Variants in KLHL3 observed in about 807,000 individuals in gnomAD.
KLHL3 encodes the protein kelch like family member 3.
KLHL3 carries 19 observed loss-of-function variants against 70.5 expected under a neutral mutation model. The observed-to-expected ratio is 0.27, with a 90% CI of 0.19 to 0.40. The LOEUF is 0.40. Among genes scored for constraint, KLHL3 ranks in the 10% least tolerant of loss-of-function variants. The pLI, the probability that KLHL3 is intolerant of heterozygous loss-of-function variation, is 1.00. For synonymous variants in KLHL3, 258 were observed against 290.3 expected (o/e 0.89, Z 1.13); for missense variants, 512 against 771.1 (o/e 0.66, Z 3.98).
intron 5 of KLHL3, among the ~76,000 whole-genome samples, chr5:137,679,358 A>C (rs1232970087): frequency 1.3e-5 from 2 of 152,168 alleles, no homozygotes; most frequent in Non-Finnish European, 2.9e-5. Context: ...GACCAGCCAC[A>C]GCTGAGCTCA....
In KLHL3 at chr5:137,633,016, C is replaced by T. The variant is rs1750675800; in HGVS notation, c.1450+1021G>A. On this transcript the variant is annotated intron_variant, in intron 12 of 14. Coordinates refer to ENST00000309755, the MANE Select transcript of KLHL3 (RefSeq NM_017415.3). ...TCAAAAAAGGCCGGGTGCAGTGGCT[C>T]ATGCCTGCAATCCCAGCACTTTGAG... Among the ~76,000 whole-genome samples, 3 of 152,132 alleles carry T rather than the reference C, an allele frequency of 2.0e-5. No individual in the cohort carries two copies. In the South Asian group the frequency reaches 6.2e-4, roughly 32 times the overall value.
At chr5:137,665,206 G>C (rs1397709575) in intron 6 of KLHL3, among the ~76,000 whole-genome samples, 3 of 152,164 alleles carry the variant, frequency 2.0e-5, no homozygotes, top group African/African-American at 7.2e-5. Flanking sequence ...AGATTAGAGA[G>C]ATTTATAGAC....
At chr5:137,703,010 C>G (rs925836536) in intron 3 of KLHL3, among the ~76,000 whole-genome samples, 8 of 152,160 alleles carry the variant, frequency 5.3e-5, no homozygotes, top group African/African-American at 1.7e-4. Context: ...TTCATTATCA[C>G]AGAAGACTCA....
intron 3 of KLHL3, among the ~76,000 whole-genome samples, chr5:137,702,905 C>G (rs914015741): frequency 6.6e-6 from 1 of 152,108 alleles, no homozygotes; most frequent in East Asian, 1.9e-4. Context: ...TCCTAACAAG[C>G]ACACTATGTG....
chr5:137,628,810 A>G (rs1750558424), intron 12 of KLHL3: 1 of 159,098 alleles, frequency 6.3e-6, no homozygotes, highest in South Asian at 2.0e-4. Context: ...AAAAAAGACA[A>G]AAAATACTGA....
rs145133694 is a variant in KLHL3, at chr5:137,707,236, T to C, written c.241+2514A>G. Among the ~76,000 whole-genome samples the C allele has an allele frequency of 9.2e-3, 1,402 of 152,288 alleles. 24 individuals carry two copies. The highest frequency in any genetic ancestry group is 0.032 in the African/African-American group (1,317 of 41,554). ...ATCACTTGAGGCCAGGAGTTCAAGA[T>C]TGCCTTGCCAACATGGCAAAACCCA... On this transcript the variant is annotated intron_variant, in intron 3 of 14. Coordinates refer to ENST00000309755, the MANE Select transcript of KLHL3 (RefSeq NM_017415.3).
At chr5:137,658,728 A>G (rs572530866) in intron 7 of KLHL3, among the ~76,000 whole-genome samples, 2 of 152,230 alleles carry the variant, frequency 1.3e-5, no homozygotes, top group East Asian at 3.9e-4. Flanking sequence ...AGGGTGTGGG[A>G]GCCATCAGCC....
rs887391138 is a variant in KLHL3, at chr5:137,735,963, G to A, written c.-317C>T. ...TGCTCCTTGGTCTCCTAGGAACGGCGGCAGCTCCAGCGACCCAGGTGCACT... is the reference window on the plus strand; with the variant it reads ...TGCTCCTTGGTCTCCTAGGAACGGCAGCAGCTCCAGCGACCCAGGTGCACT... On this transcript the variant is annotated 5_prime_UTR_variant, in exon 1 of 15. Coordinates refer to ENST00000309755, the MANE Select transcript of KLHL3 (RefSeq NM_017415.3). 1.5e-5 allele frequency: 7 copies of A among 456,312 alleles called. No homozygotes were observed. Among genetic ancestry groups the A allele is most frequent in the Admixed American group, 3.4e-5 (1 of 29,684 alleles). 28.3% of individuals were successfully genotyped at this position (456,312 alleles called of 1,614,324 possible). A position where few individuals can be genotyped will look rare whatever the true frequency, so the allele number is the denominator to read the frequency against.
chr5:137,718,215 GAGA>G (rs1209515629), intron 2 of KLHL3, among the ~76,000 whole-genome samples: 2 of 152,216 alleles, frequency 1.3e-5, no homozygotes, highest in East Asian at 3.8e-4. Context: ...TTATACAAAA[GAGA>G]AGAAGAAGCA....
At chr5:137,686,307 G>A (rs1291255193) in intron 5 of KLHL3, among the ~76,000 whole-genome samples, 1 of 152,238 alleles carries the variant, frequency 6.6e-6, no homozygotes, top group African/African-American at 2.4e-5. Flanking sequence ...TGCAGATGAT[G>A]AGGCTGGCAG....
intron 8 of KLHL3, among the ~76,000 whole-genome samples, chr5:137,649,570 G>C (rs1751148457): frequency 6.6e-6 from 1 of 152,204 alleles, no homozygotes; most frequent in South Asian, 2.1e-4. Context: ...AGCCACTCCA[G>C]GATTCCTGCC....
At chr5:137,729,623 T>G (rs1753139929) in intron 1 of KLHL3, among the ~76,000 whole-genome samples, 1 of 152,148 alleles carries the variant, frequency 6.6e-6, no homozygotes, top group Admixed American at 6.5e-5. Context: ...TGATGACATG[T>G]TGACTATTGT....
intron 2 of KLHL3, among the ~76,000 whole-genome samples, chr5:137,716,433 AGGGTG>A (rs1414974092): frequency 2.6e-5 from 4 of 152,290 alleles, no homozygotes; most frequent in African/African-American, 9.6e-5. Context: ...TACAGCCTGC[AGGGTG>A]GCTATTCTGA....
chr5:137,677,343 G>A, intron 6 of KLHL3: 2 of 419,316 alleles, frequency 4.8e-6, no homozygotes, highest in Non-Finnish European at 8.5e-6. Context: ...AGCTACTCAG[G>A]AGGCTGAGGC....
chr5:137,623,838 G>C (rs899890319), intron 14 of KLHL3, among the ~76,000 whole-genome samples: 3 of 152,196 alleles, frequency 2.0e-5, no homozygotes, highest in Non-Finnish European at 4.4e-5. Flanking sequence ...CAGTATGATA[G>C]AATACCTGGC....
intron 12 of KLHL3, among the ~76,000 whole-genome samples, chr5:137,631,088 AAAG>A (rs1358513796): frequency 1.4e-5 from 2 of 143,394 alleles, no homozygotes; most frequent in African/African-American, 2.6e-5. Flanking sequence ...AAAAAAAAAA[AAAG>A]AGAGAGAGAG....
rs755219692 is a variant in KLHL3, at chr5:137,638,948, C to A, written c.1219+5G>T. 6.2e-7 allele frequency: 1 copy of A among 1,613,646 alleles called. No homozygotes were observed. The highest frequency in any genetic ancestry group is 1.1e-5 in the South Asian group (1 of 90,996). ...GGAGGGGTTGGGAACACACCCTAAA[C>A]CTACCAGTACTGCCATCAAAGCCTC... On this transcript the variant is annotated splice_donor_5th_base_variant and intron_variant, in intron 10 of 14. Transcript: ENST00000309755.
intron 8 of KLHL3, among the ~76,000 whole-genome samples, chr5:137,656,057 G>A (rs1372600810): frequency 1.4e-5 from 2 of 147,726 alleles, no homozygotes; most frequent in Non-Finnish European, 3.0e-5. Flanking sequence ...AGAAAAATGA[G>A]CCAGGGACAT....
chr5:137,695,833 A>G (rs1264216712), intron 4 of KLHL3, among the ~76,000 whole-genome samples: 1 of 152,186 alleles, frequency 6.6e-6, no homozygotes, highest in Non-Finnish European at 1.5e-5. Context: ...TCATAGAATA[A>G]CTAAGGCAGT....
Sources: gnomAD v4.1 joint callset for allele counts (sites outside exome capture counted in the v4.1 genomes callset) on GRCh38, gnomAD v4.1.1 for gene constraint, MANE v1.5 for transcripts, NCBI Gene and HGNC (gene_info 2026-07-23, HGNC 2026-07-21) for gene names.